The following AGO2 variants were observed in gnomAD, a reference collection of about 807,000 sequenced individuals.
AGO2 encodes protein argonaute-2.
A neutral mutation model predicts 102.3 loss-of-function variants in AGO2; 5 were observed. The ratio of observed to expected loss-of-function variants is 0.05; its 90% CI spans 0.03 to 0.10. The LOEUF is 0.10. Among genes scored for constraint, AGO2 ranks in the 10% least tolerant of loss-of-function variants. The pLI is 1.00. For missense variants in AGO2, 541 were observed against 1,183.7 expected (o/e 0.46, Z 7.97); for synonymous variants, 449 against 473.1 (o/e 0.95, Z 0.66).
chr8:140,628,003 G>C (rs2074296982), intron 1 of AGO2, among the ~76,000 whole-genome samples: 1 of 152,198 alleles, frequency 6.6e-6, no homozygotes, highest in Non-Finnish European at 1.5e-5. Context: ...CCCTGGAGCT[G>C]CTCGAGGGCT....
intron 1 of AGO2, among the ~76,000 whole-genome samples, chr8:140,620,065 G>A (rs759723832): frequency 1.3e-5 from 2 of 152,168 alleles, no homozygotes; most frequent in Non-Finnish European, 2.9e-5. Flanking sequence ...GCATCTTGCA[G>A]GTTCCAGGAG....
At chr8:140,541,060 G>T in intron 15 of AGO2, 104 bp downstream of exon 15, 1 of 1,321,402 alleles carries the variant, frequency 7.6e-7, no homozygotes, top group Non-Finnish European at 1.0e-6. Context: ...GGGGCCGAAT[G>T]AGAGCCACAT....
chr8:140,607,587 G>C (rs1482377225), intron 1 of AGO2, among the ~76,000 whole-genome samples: 3 of 150,962 alleles, frequency 2.0e-5, no homozygotes, highest in African/African-American at 7.3e-5. Context: ...TATCAGGACA[G>C]TGGAATATTA....
intron 13 of AGO2, among the ~76,000 whole-genome samples, chr8:140,544,751 T>TG (rs751857849): frequency 1.6e-4 from 25 of 152,206 alleles, no homozygotes; most frequent in Non-Finnish European, 2.9e-4. Flanking sequence ...CTCCACTCAC[T>TG]GGATGCCAGT....
chr8:140,573,719 C>A (rs1161524570), intron 2 of AGO2, among the ~76,000 whole-genome samples: 1 of 152,246 alleles, frequency 6.6e-6, no homozygotes, highest in Non-Finnish European at 1.5e-5. Flanking sequence ...GAGCTTGTGA[C>A]ATTTGTGTTC....
At chr8:140,587,087 A>G (rs1336932616) in intron 1 of AGO2, among the ~76,000 whole-genome samples, 1 of 152,170 alleles carries the variant, frequency 6.6e-6, no homozygotes, top group African/African-American at 2.4e-5. Flanking sequence ...GCCCCCAAGC[A>G]GAGTCCAGGC....
At chr8:140,568,505 G>T (rs1206162883) in intron 3 of AGO2, among the ~76,000 whole-genome samples, 1 of 152,164 alleles carries the variant, frequency 6.6e-6, no homozygotes, top group Non-Finnish European at 1.5e-5. Flanking sequence ...ACCTGGACGG[G>T]GCCTCCCTGG....
Position 140,622,107 on chromosome 8 carries a change from A to G in AGO2, c.22+13378T>C, listed in dbSNP as rs370695022. ...TGATGCTGCCGTGTGAACCGTGAAG[A>G]CATGCCGAGTGAAAGAAGGAGACAC... On this transcript the variant is annotated intron_variant, in intron 1 of 18. Coordinates refer to ENST00000220592, the MANE Select transcript of AGO2 (RefSeq NM_012154.5). Among the ~76,000 whole-genome samples, 17 of 152,356 alleles carry G rather than the reference A, an allele frequency of 1.1e-4. 1 individual carries two copies. The highest frequency in any genetic ancestry group is 4.1e-4 in the African/African-American group (17 of 41,590).
At chr8:140,597,560 G>C (rs2073867027) in intron 1 of AGO2, among the ~76,000 whole-genome samples, 1 of 147,474 alleles carries the variant, frequency 6.8e-6, no homozygotes, top group South Asian at 2.1e-4. Flanking sequence ...CCTGAATCTT[G>C]AGGATGGAAG....
At chr8:140,616,074 C>T (rs549982181) in intron 1 of AGO2, among the ~76,000 whole-genome samples, 116 of 152,332 alleles carry the variant, frequency 7.6e-4, no homozygotes, top group South Asian at 4.6e-3. Flanking sequence ...AAGGTTTGCA[C>T]TGAGTCTTCC....
chr8:140,539,464 C>T lies in AGO2; in HGVS notation c.2035-10G>A, dbSNP rs753104818. The stretch of plus-strand genomic sequence containing the variant: ...ACTCGTGGTGGAGAACCTAGGGGTA[C>T]GGGAGGGAGGAGGTTGTGCTTAAAG... On this transcript the variant is annotated splice_polypyrimidine_tract_variant and intron_variant, in intron 15 of 18. Coordinates refer to ENST00000220592, the MANE Select transcript of AGO2 (RefSeq NM_012154.5). The surrounding 1 kb of genome is among the most constrained non-coding windows in gnomAD (Gnocchi z 4.7). 3.4e-5 allele frequency: 55 copies of T among 1,607,346 alleles called. No individual in the cohort carries two copies. Among genetic ancestry groups the T allele is most frequent in the South Asian group, 2.3e-4 (21 of 90,436 alleles).
chr8:140,574,798 C>T (rs2073440270), intron 2 of AGO2, among the ~76,000 whole-genome samples: 1 of 151,670 alleles, frequency 6.6e-6, no homozygotes. Context: ...AAGGTGGGGG[C>T]GGGGGAGTCA....
chr8:140,585,368 T>G, intron 1 of AGO2, 57 bp from the exon 2 acceptor site: 1 of 1,563,586 alleles, frequency 6.4e-7, no homozygotes, highest in Non-Finnish European at 8.7e-7. Context: ...CTGCGGCCCT[T>G]CCCATCCCGC....
chr8:140,624,973 T>C (rs1013032256), intron 1 of AGO2, among the ~76,000 whole-genome samples: 5 of 152,074 alleles, frequency 3.3e-5, no homozygotes, highest in African/African-American at 1.2e-4. Flanking sequence ...GAGCATGCCC[T>C]CCACTGGGAC....
intron 18 of AGO2, 108 bp downstream of exon 18, chr8:140,532,308 C>G: frequency 1.4e-6 from 2 of 1,434,550 alleles, no homozygotes; most frequent in Non-Finnish European, 1.9e-6. Context: ...TCTGGGGTGC[C>G]GGCTCCAGCC....
At chr8:140,610,654 C>T (rs551303476) in intron 1 of AGO2, among the ~76,000 whole-genome samples, 1 of 152,370 alleles carries the variant, frequency 6.6e-6, no homozygotes, top group East Asian at 1.9e-4. Context: ...CCCATACCCA[C>T]AGCCCAAAAG....
In AGO2 at chr8:140,547,990, A is replaced by G. The variant is rs146714175; in HGVS notation, c.1589-363T>C. On this transcript the variant is annotated intron_variant, in intron 12 of 18. Transcript: ENST00000220592. ...AGGGCAGGAGAGAAAGAGCCCAACT[A>G]AAAGAAAGGACTTGGCTCCCTGCTT... Among the ~76,000 whole-genome samples the G allele has an allele frequency of 6.1e-3, 925 of 152,328 alleles. 9 individuals carry two copies. The highest frequency in any genetic ancestry group is 9.0e-3 in the Non-Finnish European group (612 of 68,028).
At chr8:140,641,923 T>A in the AGO2 span, among the ~76,000 whole-genome samples, 1 of 152,102 alleles carries the variant, frequency 6.6e-6, no homozygotes, top group South Asian at 2.1e-4. Context: ...ATACCTATAG[T>A]CTCAGCTAAT....
chr8:140,541,478 TG>T, intron 14 of AGO2, 120 bp from the exon 15 acceptor site: 6 of 956,708 alleles, frequency 6.3e-6, no homozygotes, highest in Non-Finnish European at 9.0e-6. Flanking sequence ...CTCATGTCAC[TG>T]TCAAGTGACA....
Sources: allele counts gnomAD v4.1 joint callset (sites outside exome capture counted in the v4.1 genomes callset), GRCh38; gene constraint gnomAD v4.1.1; non-coding constraint Gnocchi (gnomAD v3.1); transcripts MANE v1.5; gene names NCBI Gene and HGNC (gene_info 2026-07-23, HGNC 2026-07-21).